PCDHA1: variants seen among roughly 807,000 people sequenced by gnomAD.
The protein encoded by PCDHA1 is protocadherin alpha-1.
PCDHA1 carries 42 observed loss-of-function variants against 61.3 expected under a neutral mutation model. The ratio of observed to expected loss-of-function variants is 0.69; its 90% confidence interval spans 0.54 to 0.89. The LOEUF is 0.89. Among genes scored for constraint, PCDHA1 ranks in the 40% least tolerant of loss-of-function variants. The pLI is 0.00. For synonymous variants in PCDHA1, 610 were observed against 553.8 expected, an observed-to-expected ratio of 1.10 and a Z score of -1.43; for missense variants, 1,256 against 1,235.3, an observed-to-expected ratio of 1.02 and a Z score of -0.25.
rs201793837 is a variant in PCDHA1 at position 141,003,710 on chromosome 5, A to G, written c.2543-5917A>G. Among the ~76,000 whole-genome samples, 7 of 152,316 alleles carry G rather than the reference A, an allele frequency of 4.6e-5. No homozygotes were observed. The East Asian group carries it at 1.2e-3, about 25-fold the overall frequency. On this transcript the variant is annotated intron_variant, in intron 3 of 3. Transcript: ENST00000504120. ...AAATATATCCCTACCAATTGTGAAG[A>G]TATCGGCTAATCCAATAAAAAAGCA... is the stretch of plus-strand genomic sequence containing the variant.
intron 1 of PCDHA1, chr5:140,841,216 G>T: frequency 7.1e-7 from 1 of 1,417,674 alleles, no homozygotes; most frequent in South Asian, 1.4e-5. Flanking sequence ...GTCTCTAAAG[G>T]CCGAACAACG....
intron 1 of PCDHA1, chr5:140,862,594 A>G: frequency 2.0e-6 from 1 of 509,532 alleles, no homozygotes; most frequent in Non-Finnish European, 4.0e-6. Flanking sequence ...GCCCGAGTAC[A>G]TGGTGTTCGT....
intron 1 of PCDHA1, chr5:140,928,628 T>G: frequency 6.2e-7 from 1 of 1,614,222 alleles, no homozygotes; most frequent in Non-Finnish European, 8.5e-7. Context: ...ACTGGACACT[T>G]GGTCACAAAA....
intron 3 of PCDHA1, among the ~76,000 whole-genome samples, chr5:141,007,658 A>G (rs2098338890): frequency 6.6e-6 from 1 of 152,098 alleles, no homozygotes; most frequent in Non-Finnish European, 1.5e-5. Context: ...AAAAACCATA[A>G]ATTTACAAAG....
Position 140,823,614 on chromosome 5 carries a change from G to A in PCDHA1, c.2394+34930G>A, listed in dbSNP as rs2150127435. 5.0e-6 allele frequency: 8 copies of A among 1,614,046 alleles called. No individual in the cohort carries two copies. The Admixed American group carries it at 1.3e-4, about 27-fold the overall frequency. The stretch of plus-strand genomic sequence containing the variant: ...GGCTTTCGTATGAGCTGCAGCCAGC[G>A]CCTGGCAGTGCGCGCATCCCGTTCC... On this transcript the variant is annotated intron_variant, in intron 1 of 3. Transcript: ENST00000504120.
At chr5:140,884,833 C>A in intron 1 of PCDHA1, 2 of 916,632 alleles carry the variant, frequency 2.2e-6, no homozygotes, top group Non-Finnish European at 3.1e-6. Context: ...GTTGGATTAT[C>A]CTTCAGAGTG....
intron 1 of PCDHA1, among the ~76,000 whole-genome samples, chr5:140,901,267 T>G (rs2153472974): frequency 6.6e-6 from 1 of 152,344 alleles, no homozygotes; most frequent in East Asian, 1.9e-4. Context: ...TTGTGGGGTA[T>G]TACTCAAGAA....
chr5:140,796,318 G>A (rs782095286), intron 1 of PCDHA1: 5 of 1,614,102 alleles, frequency 3.1e-6, no homozygotes, highest in Non-Finnish European at 4.2e-6. Context: ...GAACGACAAC[G>A]CGCCGGCGTT....
intron 1 of PCDHA1, among the ~76,000 whole-genome samples, chr5:140,873,284 T>C (rs1554166661): frequency 1.3e-5 from 2 of 152,208 alleles, no homozygotes; most frequent in Non-Finnish European, 2.9e-5. Context: ...ATACCACTTA[T>C]GAAACTTTAT....
rs113198272 is a variant in PCDHA1 at position 140,805,411 on chromosome 5, T to G, written c.2394+16727T>G. On this transcript the variant is annotated intron_variant, in intron 1 of 3. Transcript: ENST00000504120. Reference sequence around the variant, plus strand: ...GTTTCTGTTTGATTCAGAAATTTGGTGGGTTTTTTGTTGTTGTTTTGGTTT... The same window carrying G: ...GTTTCTGTTTGATTCAGAAATTTGGGGGGTTTTTTGTTGTTGTTTTGGTTT... 6.5e-4 allele frequency: 698 copies of G among 1,074,172 alleles called. 1 individual carries two copies. In the African/African-American group the frequency reaches 0.011, roughly 17 times the overall value. The allele number at this position is 1,074,172 out of a possible 1,614,324, so 66.5% of individuals were successfully genotyped here.
At chr5:140,808,893 G>C in intron 1 of PCDHA1, 1 of 1,613,410 alleles carries the variant, frequency 6.2e-7, no homozygotes, top group South Asian at 1.1e-5. Context: ...CTAGCGCCTC[G>C]GGCGGGTGGC....
chr5:140,928,622 G>C, intron 1 of PCDHA1: 1 of 1,614,226 alleles, frequency 6.2e-7, no homozygotes, highest in South Asian at 1.1e-5. Flanking sequence ...GCCAGGACTG[G>C]ACACTTGGTC....
chr5:140,961,648 G>A (rs367674015), intron 1 of PCDHA1, among the ~76,000 whole-genome samples: 1 of 152,156 alleles, frequency 6.6e-6, no homozygotes, highest in African/African-American at 2.4e-5. Flanking sequence ...AGTCTATGTG[G>A]TTAGTTTGAA....
intron 3 of PCDHA1, among the ~76,000 whole-genome samples, chr5:141,000,496 C>T (rs1257530549): frequency 7.4e-6 from 1 of 134,362 alleles, no homozygotes; most frequent in Non-Finnish European, 1.5e-5. Context: ...GGTAAGATCT[C>T]GGCTCACTGC....
chr5:140,915,960 G>A (rs1554197207), intron 1 of PCDHA1, among the ~76,000 whole-genome samples: 1 of 152,112 alleles, frequency 6.6e-6, no homozygotes, highest in Admixed American at 6.5e-5. Flanking sequence ...TTAGAAATTT[G>A]CCTGATATTT....
intron 1 of PCDHA1, chr5:140,862,144 C>G (rs2047225935): frequency 1.2e-5 from 2 of 162,888 alleles, no homozygotes; most frequent in South Asian, 1.7e-4. Context: ...TTTGAGGAAA[C>G]TAAATAATGA....
chr5:140,836,667 GA>G (rs2150267239), intron 1 of PCDHA1: 7 of 1,613,396 alleles, frequency 4.3e-6, no homozygotes, highest in Non-Finnish European at 5.9e-6. Context: ...GTGCTCTGGG[GA>G]GGGCCCACCC....
rs1451807345 is a variant in PCDHA1, at chr5:140,860,140, T to A, written c.2394+71456T>A. 3 of 150,428 alleles carry A rather than the reference T, an allele frequency of 2.0e-5. No homozygotes were observed. The South Asian group carries it at 6.2e-4, about 31-fold the overall frequency. 9.3% of individuals were successfully genotyped at this position (150,428 alleles called of 1,614,324 possible). On this transcript the variant is annotated intron_variant, in intron 1 of 3. Transcript: ENST00000504120. ...CTTGTACTGTGTGTGTGTGTATATA[T>A]ATGTATATATGTGTATATATATATG...
chr5:140,976,267 T>C (rs115616483), intron 1 of PCDHA1, among the ~76,000 whole-genome samples: 1,952 of 152,234 alleles, frequency 0.013, 51 homozygotes, highest in African/African-American at 0.045. Flanking sequence ...ACACAGACTT[T>C]TGGCAAGGCA....
Sources: gnomAD v4.1 joint callset for allele counts (sites outside exome capture counted in the v4.1 genomes callset) on GRCh38, gnomAD v4.1.1 for gene constraint, MANE v1.5 for transcripts, NCBI Gene and HGNC (gene_info 2026-07-23, HGNC 2026-07-21) for gene names.